Variants in CD6 observed in about 807,000 individuals in gnomAD.
CD6 encodes CD6 molecule.
Under a neutral mutation model 75.3 loss-of-function variants are expected in CD6, and 53 were observed. The observed-to-expected ratio is 0.70, with a 90% CI of 0.56 to 0.88. The LOEUF (loss-of-function observed/expected upper bound fraction) is 0.88. Ranked by LOEUF, CD6 falls within the 40% of genes least tolerant of loss-of-function variation. The probability of loss-of-function intolerance (pLI) is 0.00; values close to 1 mark genes in which losing one functional copy is unlikely to be tolerated. For missense variants in CD6, 770 were observed against 897.1 expected (o/e 0.86, Z 1.81); for synonymous variants, 359 against 381.5 (o/e 0.94, Z 0.69).
chr11:60,993,786 C>T (rs890981347), intron 1 of CD6, among the ~76,000 whole-genome samples: 1 of 152,134 alleles, frequency 6.6e-6, no homozygotes, highest in African/African-American at 2.4e-5. Flanking sequence ...CACTCATCTC[C>T]CTCATATCAT....
rs1859366947 is a variant in CD6 at position 61,015,705 on chromosome 11, C to T, written c.1388-8C>T. On this transcript the variant is annotated splice_polypyrimidine_tract_variant and splice_region_variant and intron_variant, in intron 8 of 12. Transcript: ENST00000313421. ...TTTGCCATGCCCTCGACTCTGTTCT[C>T]TCCCCAGTTTTCATGCTGCCCATCC... 1 of 1,614,080 alleles carries T rather than the reference C, an allele frequency of 6.2e-7. No homozygotes were observed. Among genetic ancestry groups the T allele is most frequent in the African/African-American group, 1.3e-5 (1 of 74,942 alleles).
intron 1 of CD6, among the ~76,000 whole-genome samples, chr11:60,993,648 T>C (rs1410997629): frequency 1.3e-5 from 2 of 152,198 alleles, no homozygotes; most frequent in Admixed American, 6.5e-5. Context: ...GAGATGGGTT[T>C]AGATCACTGT....
At chr11:60,988,073 G>A (rs1056535480) in intron 1 of CD6, 2 of 152,282 alleles carry the variant, frequency 1.3e-5, no homozygotes, top group African/African-American at 4.8e-5. Flanking sequence ...TGTGGGCTGA[G>A]AGCTGAGAGT....
At chr11:60,982,497 G>A in intron 1 of CD6, 1 of 440,876 alleles carries the variant, frequency 2.3e-6, no homozygotes, top group South Asian at 1.6e-5. Flanking sequence ...TTCAGGAGGG[G>A]TGCCTGGGAG....
chr11:60,994,511 A>G (rs6421672), intron 1 of CD6, among the ~76,000 whole-genome samples: 147,690 of 148,564 alleles, frequency 0.99, 73,418 homozygotes, highest in Middle Eastern at 1. Context: ...GTCCTCTGGG[A>G]CTGGGACTCT....
chr11:61,013,563 G>A lies in CD6; in HGVS notation c.1291G>A (p.Ala431Thr), dbSNP rs1325746320. Residue 431 changes from alanine to threonine, a missense_variant and splice_region_variant, in exon 7 of 13, where the codon GCC becomes ACC. Ala to Thr is a moderately conservative substitution (Grantham distance 58, BLOSUM62 0). Coordinates refer to ENST00000313421, the MANE Select transcript of CD6 (RefSeq NM_006725.5). The stretch of plus-strand genomic sequence containing the variant: ...CCTCTTGAGAATTAAAGGAAAATAT[G>A]GTAAGTGCAAGGTTCTGGGAGCCAT... The part of the protein sequence containing the change: ...FILLRIKGKY[A>T]LPVMVNHQHL... 1.2e-6 allele frequency: 2 copies of A among 1,613,922 alleles called. No individual in the cohort carries two copies. Among genetic ancestry groups the A allele is most frequent in the African/African-American group, 2.7e-5 (2 of 74,908 alleles).
In CD6 at chr11:61,006,462, G is replaced by T. The variant is rs138701575; in HGVS notation, c.50-112G>T. ...GTTGAGGACCACGTCTTTTCCAAAG[G>T]CCTCATGTAGCCACCACAGGCTCCA... On this transcript the variant is annotated intron_variant, in intron 1 of 12. Transcript: ENST00000313421. The T allele has an allele frequency of 1.8e-3, 1,451 of 803,282 alleles. 16 individuals are homozygous for T. The African/African-American group carries it at 0.022, about 12-fold the overall frequency. The allele number at this position is 803,282 out of a possible 1,614,324, so 49.8% of individuals were successfully genotyped here. A position where few individuals can be genotyped will look rare whatever the true frequency, so the allele number is the denominator to read the frequency against.
chr11:60,990,657 C>T (rs529693216), intron 1 of CD6, among the ~76,000 whole-genome samples: 162 of 152,130 alleles, frequency 1.1e-3, no homozygotes, highest in African/African-American at 3.6e-3. Flanking sequence ...AATTCTTATC[C>T]TTTCCTCCCT....
chr11:60,994,616 C>G (rs1858218220), intron 1 of CD6, among the ~76,000 whole-genome samples: 1 of 151,930 alleles, frequency 6.6e-6, no homozygotes, highest in Non-Finnish European at 1.5e-5. Flanking sequence ...AGTGTGAAAA[C>G]AAACCAAAAT....
chr11:60,984,617 C>T (rs1317180302), intron 1 of CD6, among the ~76,000 whole-genome samples: 2 of 152,152 alleles, frequency 1.3e-5, no homozygotes, highest in Non-Finnish European at 2.9e-5. Context: ...GGAAAATAGA[C>T]CAAAAACATA....
At chr11:61,017,365 T>C (rs972315899) in intron 9 of CD6, 114 bp from the exon 10 acceptor site, 3 of 744,046 alleles carry the variant, frequency 4.0e-6, no homozygotes, top group Non-Finnish European at 7.0e-6. Context: ...CCTCCGGAGT[T>C]GTCCTCCCAC....
chr11:60,980,159 G>A (rs1002975134), intron 1 of CD6, among the ~76,000 whole-genome samples: 1 of 152,166 alleles, frequency 6.6e-6, no homozygotes, highest in Non-Finnish European at 1.5e-5. Context: ...TGGGTACACA[G>A]GATTTCTCTT....
chr11:61,007,624 G>A lies in CD6; in HGVS notation c.183G>A (p.Arg61=), dbSNP rs781764855. The change falls in exon 3 of 13, where the codon CGG becomes CGA. Residue 61 remains arginine, a synonymous_variant. Coordinates refer to ENST00000313421, the MANE Select transcript of CD6 (RefSeq NM_006725.5). This position sits in a 1 kb window ranked among gnomAD's most constrained non-coding sequence, Gnocchi z 4.2. ...GCTGCAGCGGGACGGTGGAGGTGCG[G>A]CTCGAGGCGTCCTGGGAGCCCGCGT... is the stretch of plus-strand genomic sequence containing the variant. ...SSSCSGTVEV[R]LEASWEPACG... 38 of 1,488,592 alleles carry A rather than the reference G, an allele frequency of 2.6e-5. No homozygotes were observed. In the African/African-American group the frequency reaches 4.8e-4, roughly 19 times the overall value. The allele number at this position is 1,488,592 out of a possible 1,614,324, so 92.2% of individuals were successfully genotyped here.
chr11:60,990,270 G>C (rs1221586249), intron 1 of CD6, among the ~76,000 whole-genome samples: 1 of 152,152 alleles, frequency 6.6e-6, no homozygotes, highest in Non-Finnish European at 1.5e-5. Flanking sequence ...TGTCACCCAG[G>C]CTGGAGTGCA....
chr11:60,976,043 T>C (rs1275838498), intron 1 of CD6, among the ~76,000 whole-genome samples: 2 of 152,156 alleles, frequency 1.3e-5, no homozygotes, highest in African/African-American at 2.4e-5. Context: ...TTTATAGATA[T>C]GAGGGTAGAA....
At chr11:60,996,567 C>T (rs1207290453) in intron 1 of CD6, among the ~76,000 whole-genome samples, 1 of 152,220 alleles carries the variant, frequency 6.6e-6, no homozygotes. Flanking sequence ...CCAGGGTTCA[C>T]GTAGCATTTG....
At chr11:61,015,645 T>C in intron 8 of CD6, 68 bp from the exon 9 acceptor site, 2 of 1,585,824 alleles carry the variant, frequency 1.3e-6, no homozygotes, top group Non-Finnish European at 1.7e-6. Context: ...CCGTTCATAC[T>C]CTACCATCCC....
Position 61,017,467 on chromosome 11 carries a change from C to A in CD6, c.1511-12C>A. 6.5e-7 allele frequency: 1 copy of A among 1,547,906 alleles called. No individual in the cohort carries two copies. The highest frequency in any genetic ancestry group is 8.7e-7 in the Non-Finnish European group (1 of 1,145,994). On this transcript the variant is annotated splice_polypyrimidine_tract_variant and intron_variant, in intron 9 of 12. Coordinates refer to ENST00000313421, the MANE Select transcript of CD6 (RefSeq NM_006725.5). ...AGCCTTCACCCCTCCCCACCACCGC[C>A]TCTGCTTGCAGATTCCCAGCGGCAT...
chr11:61,008,207 C>A, intron 3 of CD6: 1 of 440,414 alleles, frequency 2.3e-6, no homozygotes, highest in Non-Finnish European at 4.0e-6. Context: ...CCGCCGCTTC[C>A]CTGTCCCCGC....
Sources: allele counts gnomAD v4.1 joint callset (sites outside exome capture counted in the v4.1 genomes callset), GRCh38; gene constraint gnomAD v4.1.1; non-coding constraint Gnocchi (gnomAD v3.1); transcripts MANE v1.5; gene names NCBI Gene and HGNC (gene_info 2026-07-23, HGNC 2026-07-21).